The following DAB1 variants were observed in gnomAD, a reference collection of about 807,000 sequenced individuals.
DAB1 encodes disabled homolog 1.
A neutral mutation model predicts 64.6 loss-of-function variants in DAB1; 15 were observed. That is an observed-to-expected ratio of 0.23 (90% confidence interval 0.16 to 0.36). DAB1 has a LOEUF of 0.36. Among genes scored for constraint, DAB1 ranks in the 10% least tolerant of loss-of-function variants. The pLI, the probability that DAB1 is intolerant of heterozygous loss-of-function variation, is 1.00. For synonymous variants in DAB1, 235 were observed against 251.9 expected (o/e 0.93, Z 0.64); for missense variants, 596 against 706.7 (o/e 0.84, Z 1.78).
At chr1:57,069,547 A>T in intron 7 of DAB1, 122 bp from the exon 8 acceptor site, 1 of 725,050 alleles carries the variant, frequency 1.4e-6, no homozygotes, top group East Asian at 2.6e-5. Context: ...AAGAGAAAAC[A>T]CCTTAAAGAC....
intron 3 of DAB1, among the ~76,000 whole-genome samples, chr1:58,370,970 T>C (rs149827293): frequency 1.1e-3 from 165 of 152,308 alleles, no homozygotes; most frequent in African/African-American, 3.9e-3. Context: ...GAAAACAGAT[T>C]AATACAGAGA....
At chr1:57,516,272 A>C (rs761071401) in intron 7 of DAB1, among the ~76,000 whole-genome samples, 21 of 152,244 alleles carry the variant, frequency 1.4e-4, no homozygotes, top group Non-Finnish European at 3.1e-4. Flanking sequence ...AGGACAATTA[A>C]GTAAGTACAT....
intron 4 of DAB1, among the ~76,000 whole-genome samples, chr1:58,301,241 G>T (rs929268308): frequency 6.9e-6 from 1 of 145,930 alleles, no homozygotes; most frequent in African/African-American, 2.5e-5. Context: ...GAGAGGGGGG[G>T]GTCATGAAAT....
intron 7 of DAB1, among the ~76,000 whole-genome samples, chr1:57,584,783 T>C (rs1395366436): frequency 6.6e-6 from 1 of 152,194 alleles, no homozygotes; most frequent in African/African-American, 2.4e-5. Flanking sequence ...TGTTGTTAGG[T>C]CCCCTAATAC....
Position 57,998,329 on chromosome 1 carries a change from A to G in DAB1, n.388-114167T>C, listed in dbSNP as rs1646457614. Among the ~76,000 whole-genome samples the G allele has an allele frequency of 2.0e-5, 3 of 151,574 alleles. No homozygotes were observed. In the South Asian group the frequency reaches 6.3e-4, roughly 32 times the overall value. On this transcript the variant is annotated intron_variant and non_coding_transcript_variant, in intron 5 of 20. Transcript: ENST00000485760. ...GTGCTTCCTCACTAGATATTTGTAAATTTCAAATGATGTCACTGGGTAATC... is the reference window on the plus strand; with the variant it reads ...GTGCTTCCTCACTAGATATTTGTAAGTTTCAAATGATGTCACTGGGTAATC...
intron 3 of DAB1, among the ~76,000 whole-genome samples, chr1:58,372,591 C>G (rs146307902): frequency 7.9e-5 from 12 of 152,192 alleles, no homozygotes; most frequent in Admixed American, 2.0e-4. Flanking sequence ...TTGGAAGAAG[C>G]CAGGAGAAGA....
intron 14 of DAB1, among the ~76,000 whole-genome samples, chr1:56,999,349 ACAGGGTC>A (rs908019369): frequency 1.3e-5 from 2 of 152,196 alleles, no homozygotes; most frequent in African/African-American, 4.8e-5. Flanking sequence ...AGAACTGAAA[ACAGGGTC>A]CAGGGGCCAG....
chr1:57,897,251 C>T (rs539168888), intron 5 of DAB1, among the ~76,000 whole-genome samples: 1 of 152,180 alleles, frequency 6.6e-6, no homozygotes, highest in African/African-American at 2.4e-5. Flanking sequence ...ATGTATTCTC[C>T]TTACTCATAA....
chr1:57,985,737 G>T (rs952709401), intron 5 of DAB1, among the ~76,000 whole-genome samples: 4 of 152,100 alleles, frequency 2.6e-5, no homozygotes, highest in African/African-American at 9.7e-5. Flanking sequence ...CCCGGACAGA[G>T]TTGTCTTGTG....
chr1:58,342,907 T>C (rs1277316644), intron 4 of DAB1, among the ~76,000 whole-genome samples: 2 of 152,178 alleles, frequency 1.3e-5, no homozygotes, highest in Non-Finnish European at 2.9e-5. Flanking sequence ...ATTTGGTGTC[T>C]CCACACTACA....
intron 7 of DAB1, among the ~76,000 whole-genome samples, chr1:57,492,102 C>A (rs539068017): frequency 8.3e-4 from 127 of 152,304 alleles, no homozygotes; most frequent in African/African-American, 3.0e-3. Context: ...ACTAAGAGAT[C>A]TGTGTTTTCT....
intron 5 of DAB1, among the ~76,000 whole-genome samples, chr1:57,940,570 A>G (rs946846748): frequency 6.6e-6 from 1 of 152,244 alleles, no homozygotes; most frequent in African/African-American, 2.4e-5. Context: ...TCAGCTGAAG[A>G]TCTTGTTAAC....
intron 2 of DAB1, among the ~76,000 whole-genome samples, chr1:57,195,720 T>C (rs1664571109): frequency 6.6e-6 from 1 of 152,226 alleles, no homozygotes; most frequent in Admixed American, 6.5e-5. Flanking sequence ...TGGGCCACTA[T>C]GCCTCAGCTT....
intron 5 of DAB1, among the ~76,000 whole-genome samples, chr1:58,123,874 G>GT (rs1386656097): frequency 5.3e-5 from 8 of 152,136 alleles, no homozygotes; most frequent in African/African-American, 1.7e-4. Context: ...AGTTATATAT[G>GT]TGAGAGGAAG....
chr1:57,061,164 C>T (rs1337970378), intron 9 of DAB1, among the ~76,000 whole-genome samples: 8 of 148,004 alleles, frequency 5.4e-5, no homozygotes, highest in Admixed American at 4.7e-4. Context: ...TGAAAACGGG[C>T]CTGCATCTGG....
chr1:57,347,274 T>C (rs770717616), intron 1 of DAB1, among the ~76,000 whole-genome samples: 1 of 152,204 alleles, frequency 6.6e-6, no homozygotes, highest in Non-Finnish European at 1.5e-5. Flanking sequence ...AATCTTCAGC[T>C]TCCTCACTTT....
In DAB1 at chr1:57,972,870, TAC is replaced by T. The variant is rs891328897; in HGVS notation, n.388-88710_388-88709del. 1.3e-4 allele frequency among the ~76,000 whole-genome samples: 20 copies of T among 152,318 alleles called. 1 individual carries two copies. The highest frequency in any genetic ancestry group is 1.2e-3 in the Admixed American group (18 of 15,294). ...ATATGTACACATGTTCCTGAGCATGTACACACACACAAACTAAGCTAGATTCT... is the reference window on the plus strand; with the variant it reads ...ATATGTACACATGTTCCTGAGCATGTACACACACAAACTAAGCTAGATTCT... On this transcript the variant is annotated intron_variant and non_coding_transcript_variant, in intron 5 of 20. Transcript: ENST00000485760.
intron 7 of DAB1, among the ~76,000 whole-genome samples, chr1:57,431,143 C>CACAA (rs749097562): frequency 3.1e-5 from 3 of 96,410 alleles, no homozygotes; most frequent in African/African-American, 3.7e-5. Flanking sequence ...AGGCCAAAAA[C>CACAA]AAAAAAAAAA....
At chr1:57,041,073 C>G (rs1201064658) in intron 9 of DAB1, among the ~76,000 whole-genome samples, 1 of 152,148 alleles carries the variant, frequency 6.6e-6, no homozygotes, top group Non-Finnish European at 1.5e-5. Context: ...CAGAGCAAAT[C>G]AGAGGAAATC....
Sources: gnomAD v4.1 joint callset for allele counts (sites outside exome capture counted in the v4.1 genomes callset) on GRCh38, gnomAD v4.1.1 for gene constraint, MANE v1.5 for transcripts, NCBI Gene and HGNC (gene_info 2026-07-23, HGNC 2026-07-21) for gene names.